Variants in PCDHGB1 observed in about 807,000 individuals in gnomAD.
PCDHGB1 encodes protocadherin gamma-B1.
In PCDHGB1, 34 loss-of-function variants were observed where a neutral mutation model predicts 56.6. The observed-to-expected ratio is 0.60, with a 90% CI of 0.46 to 0.80. The LOEUF is 0.80. Among genes scored for constraint, PCDHGB1 ranks in the 30% least tolerant of loss-of-function variants. PCDHGB1 has a pLI of 0.00. For synonymous variants in PCDHGB1, 561 were observed against 505.9 expected (o/e 1.11, Z -1.46); for missense variants, 1,278 against 1,204.6 (o/e 1.06, Z -0.90).
chr5:141,405,185 G>C (rs777099869), intron 1 of PCDHGB1: 4 of 1,613,066 alleles, frequency 2.5e-6, no homozygotes, highest in Non-Finnish European at 3.4e-6. Context: ...GGGTGTAGAT[G>C]GGGTTCGAGC....
In PCDHGB1 at chr5:141,487,135, A is replaced by T; in HGVS notation, c.2410-7672A>T. 6.2e-7 allele frequency: 1 copy of T among 1,613,544 alleles called. No individual in the cohort carries two copies. The highest frequency in any genetic ancestry group is 8.5e-7 in the Non-Finnish European group (1 of 1,179,856). ...TGGTAAAGGATAGTGGTAGTCCACC[A>T]CTCTCTACCTCTGTTACTCTCTTAG... On this transcript the variant is annotated intron_variant, in intron 1 of 3. Transcript: ENST00000523390. The surrounding 1 kb of genome is among the most constrained non-coding windows in gnomAD (Gnocchi z 5.0).
At chr5:141,437,497 T>A (rs2097889891) in intron 1 of PCDHGB1, among the ~76,000 whole-genome samples, 1 of 152,190 alleles carries the variant, frequency 6.6e-6, no homozygotes, top group Non-Finnish European at 1.5e-5. Flanking sequence ...TAGATCACTT[T>A]TCAATGAATT....
intron 1 of PCDHGB1, among the ~76,000 whole-genome samples, chr5:141,369,354 A>G (rs1766176337): frequency 6.6e-6 from 1 of 152,198 alleles, no homozygotes; most frequent in Non-Finnish European, 1.5e-5. Flanking sequence ...GTGATGTAGT[A>G]TGAAAAAACA....
intron 1 of PCDHGB1, chr5:141,372,390 G>GA: frequency 6.2e-7 from 1 of 1,614,044 alleles, no homozygotes; most frequent in Non-Finnish European, 8.5e-7. Context: ...AATCTTCGCA[G>GA]ATAGCTTGCA....
intron 1 of PCDHGB1, among the ~76,000 whole-genome samples, chr5:141,444,372 T>C (rs967151811): frequency 6.6e-6 from 1 of 151,998 alleles, no homozygotes. Context: ...GGTTTCTCCA[T>C]GTTGGTCAGG....
chr5:141,375,231 C>A, intron 1 of PCDHGB1: 1 of 1,613,964 alleles, frequency 6.2e-7, no homozygotes. Context: ...GGCCTGGTAA[C>A]CTGTTCCATC....
intron 1 of PCDHGB1, chr5:141,390,342 G>A (rs1484978612): frequency 6.3e-7 from 1 of 1,581,534 alleles, no homozygotes; most frequent in Non-Finnish European, 8.6e-7. Context: ...ATATTCACAA[G>A]AAAATATACA....
At chr5:141,433,289 G>C in intron 1 of PCDHGB1, 1 of 1,130,682 alleles carries the variant, frequency 8.8e-7, no homozygotes, top group Non-Finnish European at 1.3e-6. Context: ...AAACTCCTAG[G>C]CTCAAGCAAT....
intron 1 of PCDHGB1, chr5:141,392,586 C>A: frequency 2.1e-6 from 1 of 478,230 alleles, no homozygotes; most frequent in Non-Finnish European, 3.7e-6. Flanking sequence ...GTAAGCGCCG[C>A]TGTTCACCTA....
At chr5:141,356,456 AC>A in intron 1 of PCDHGB1, 1 of 1,613,458 alleles carries the variant, frequency 6.2e-7, no homozygotes. Context: ...TCAGAATATA[AC>A]ATCACTGTAA....
chr5:141,456,299 A>G (rs11167748), intron 1 of PCDHGB1, among the ~76,000 whole-genome samples: 25,602 of 152,048 alleles, frequency 0.17, 2,205 homozygotes, highest in South Asian at 0.22. Context: ...TCTAATGGAG[A>G]ACAGCAGCTA....
At chr5:141,383,707 G>A in intron 1 of PCDHGB1, 3 of 1,613,998 alleles carry the variant, frequency 1.9e-6, no homozygotes, top group Non-Finnish European at 2.5e-6. Context: ...TATCGACCTG[G>A]ACGAGGGAGT....
Position 141,489,555 on chromosome 5 carries a change from A to G in PCDHGB1, c.2410-5252A>G, listed in dbSNP as rs909307566. ...GAGCCAGCACCAGCTGCCTGCTGCC[A>G]GTGCAGGTGGTGACTGAACACCCCC... is the stretch of plus-strand genomic sequence containing the variant. On this transcript the variant is annotated intron_variant, in intron 1 of 3. Transcript: ENST00000523390. The surrounding 1 kb of genome is among the most constrained non-coding windows in gnomAD (Gnocchi z 4.5). 2.5e-6 allele frequency: 4 copies of G among 1,613,998 alleles called. No homozygotes were observed. The African/African-American group carries it at 5.3e-5, about 22-fold the overall frequency.
At position 141,352,651 on chromosome 5, in the gene PCDHGB1, C is replaced by T. The variant is rs1444773871; in HGVS notation, c.2391C>T (p.Asp797=). 1.9e-6 allele frequency: 3 copies of T among 1,602,436 alleles called. No individual in the cohort carries two copies. Among genetic ancestry groups the T allele is most frequent in the Non-Finnish European group, 2.6e-6 (3 of 1,173,910 alleles). The part of the protein sequence containing the change: ...ASNEDHKIAY[D]PSLSSHQAPP... ...ATGAAGATCACAAAATCGCTTATGA[C>T]CCTTCTTTGTCTTCGCACGTGAGTT... Residue 797 remains aspartate (D), a synonymous_variant, in exon 1 of 4, where the codon GAC becomes GAT. Coordinates refer to ENST00000523390, the MANE Select transcript of PCDHGB1 (RefSeq NM_018922.3).
At chr5:141,392,349 A>T (rs60903062) in intron 1 of PCDHGB1, 6,500 of 152,632 alleles carry the variant, frequency 0.043, 224 homozygotes, top group African/African-American at 0.093. Context: ...GAGTAATTTA[A>T]TCCGATGCTA....
chr5:141,427,994 C>T, intron 1 of PCDHGB1: 1 of 1,599,396 alleles, frequency 6.3e-7, no homozygotes, highest in Non-Finnish European at 8.6e-7. Flanking sequence ...CCGATGGCTC[C>T]GCACTCTTCG....
intron 1 of PCDHGB1, chr5:141,361,654 G>C (rs779307225): frequency 6.2e-7 from 1 of 1,613,782 alleles, no homozygotes; most frequent in Non-Finnish European, 8.5e-7. Flanking sequence ...CTACGTGTCC[G>C]TGAGCGCGCA....
rs200422536 is a variant in PCDHGB1 at position 141,351,348 on chromosome 5, C to G, written c.1088C>G (p.Ala363Gly). Residue 363 changes from alanine (A) to glycine (G), a missense_variant, in exon 1 of 4, where the codon GCC becomes GGC. By Grantham distance (60) the Ala-to-Gly change is moderately conservative (BLOSUM62 0). Transcript: ENST00000523390. ...PEDSDLGTVI[A>G]LIKVRDKDSG... Reference sequence around the variant, plus strand: ...GATTCAGACCTTGGAACTGTAATAGCCCTCATAAAAGTGCGAGACAAGGAT... The same window carrying G: ...GATTCAGACCTTGGAACTGTAATAGGCCTCATAAAAGTGCGAGACAAGGAT... The G allele has an allele frequency of 2.5e-6, 4 of 1,613,196 alleles. No homozygotes were observed. The highest frequency in any genetic ancestry group is 1.3e-5 in the African/African-American group (1 of 74,896).
At position 141,477,262 on chromosome 5, in the gene PCDHGB1, C is replaced by G; in HGVS notation, c.2410-17545C>G. On this transcript the variant is annotated intron_variant, in intron 1 of 3. Coordinates refer to ENST00000523390, the MANE Select transcript of PCDHGB1 (RefSeq NM_018922.3). The surrounding 1 kb of genome is among the most constrained non-coding windows in gnomAD (Gnocchi z 4.9). ...TCAGTGTGACTGACCTGGATGCTGG[C>G]GAGAACGGGCTGGTGACCTGCGAAG... The G allele has an allele frequency of 6.2e-7, 1 of 1,614,138 alleles. No homozygotes were observed.
Sources: gnomAD v4.1 joint callset for allele counts (sites outside exome capture counted in the v4.1 genomes callset) on GRCh38, gnomAD v4.1.1 for gene constraint, Gnocchi (gnomAD v3.1) non-coding constraint, MANE v1.5 for transcripts, NCBI Gene and HGNC (gene_info 2026-07-23, HGNC 2026-07-21) for gene names.